ATP10A: variants seen among roughly 807,000 people sequenced by gnomAD.
ATP10A encodes the protein ATPase phospholipid transporting 10A (putative).
Under a neutral mutation model 147.8 loss-of-function variants are expected in ATP10A, and 111 were observed. The ratio of observed to expected loss-of-function variants is 0.75; its 90% CI spans 0.64 to 0.88. The LOEUF (loss-of-function observed/expected upper bound fraction) is 0.88, where lower values mean the gene tolerates loss of function less well. Ranked by LOEUF, ATP10A falls within the 40% of genes least tolerant of loss-of-function variation. ATP10A has a pLI of 0.00. For synonymous variants in ATP10A, 875 were observed against 841.6 expected (o/e 1.04, Z -0.69); for missense variants, 1,927 against 1,959.0 (o/e 0.98, Z 0.31).
chr15:25,687,663 C>G, intron 16 of ATP10A, 40 bp downstream of exon 16: 2 of 1,545,436 alleles, frequency 1.3e-6, no homozygotes, highest in Non-Finnish European at 1.7e-6. Flanking sequence ...AGAACCGAAC[C>G]TTCCAATCCC....
chr15:25,797,648 G>C (rs1890740634), intron 1 of ATP10A, among the ~76,000 whole-genome samples: 1 of 152,128 alleles, frequency 6.6e-6, no homozygotes, highest in South Asian at 2.1e-4. Context: ...CCTCCTCGGG[G>C]GACAGCCATC....
intron 1 of ATP10A, chr15:25,861,911 C>T: frequency 4.4e-6 from 1 of 225,382 alleles, no homozygotes; most frequent in Non-Finnish European, 9.0e-6. Flanking sequence ...GACAGGTCCG[C>T]CGGAGACTCT....
chr15:25,830,562 A>G (rs1425725625), intron 1 of ATP10A, among the ~76,000 whole-genome samples: 1 of 152,064 alleles, frequency 6.6e-6, no homozygotes, highest in Non-Finnish European at 1.5e-5. Context: ...TCTCAGGAGG[A>G]GACCCAGACC....
rs554450062 is a variant in ATP10A at position 25,699,479 on chromosome 15, G to A, written c.2760+2437C>T. 3.3e-5 allele frequency among the ~76,000 whole-genome samples: 5 copies of A among 152,210 alleles called. No homozygotes were observed. The East Asian group carries it at 5.8e-4, about 18-fold the overall frequency. On this transcript the variant is annotated intron_variant, in intron 13 of 20. Transcript: ENST00000555815. ...CTGTATCTATAGATAAGATGTTAAC[G>A]TGTAATGCTTTTAGAATAAAACACA...
rs113295731 is a variant in ATP10A at position 25,790,029 on chromosome 15, T to C, written c.450-8806A>G. ...CAGAACCAATGTATTTTTAAAATCA[T>C]GAAGGTGAGAACTCAGCACTGAAAC... On this transcript the variant is annotated intron_variant, in intron 1 of 20. Transcript: ENST00000555815. 7.6e-3 allele frequency among the ~76,000 whole-genome samples: 1,162 copies of C among 152,296 alleles called. 18 individuals carry two copies. Among genetic ancestry groups the C allele is most frequent in the East Asian group, 0.03 (153 of 5,170 alleles).
rs752694525 is a variant in ATP10A at position 25,718,205 on chromosome 15, G to T, written c.1558C>A (p.His520Asn). 1.2e-6 allele frequency: 2 copies of T among 1,612,950 alleles called. No individual in the cohort carries two copies. The highest frequency in any genetic ancestry group is 2.7e-5 in the African/African-American group (2 of 74,956). The change falls in exon 8 of 21, where the codon CAC becomes AAC. Residue 520 changes from histidine to asparagine, a missense_variant. Physicochemically the swap from His to Asn is moderately conservative, Grantham distance 68. Transcript: ENST00000555815. Reference sequence around the variant, plus strand: ...ACCATGGGGCTGCTGAAGGCCGTGTGCTTGGACAGCATGCTGGCCCTCTTG... The same window carrying T: ...ACCATGGGGCTGCTGAAGGCCGTGTTCTTGGACAGCATGCTGGCCCTCTTG... ...EAKRASMLSK[H>N]TAFSSPMEKD... is the part of the protein sequence containing the mutation.
intron 13 of ATP10A, among the ~76,000 whole-genome samples, chr15:25,697,590 A>C (rs1900410531): frequency 6.6e-6 from 1 of 152,240 alleles, no homozygotes; most frequent in Admixed American, 6.5e-5. Flanking sequence ...TTGGCCAAAA[A>C]GAAGGAAGAT....
chr15:25,733,211 C>T (rs1237666977), intron 3 of ATP10A, among the ~76,000 whole-genome samples: 1 of 152,106 alleles, frequency 6.6e-6, no homozygotes, highest in Non-Finnish European at 1.5e-5. Context: ...GCAAGGAGGC[C>T]AGTGGGAGGA....
At position 25,838,196 on chromosome 15, in the gene ATP10A, C is replaced by T. The variant is rs867011613; in HGVS notation, c.449+24452G>A. Among the ~76,000 whole-genome samples, 136 of 152,316 alleles carry T rather than the reference C, an allele frequency of 8.9e-4. 1 individual carries two copies. The highest frequency in any genetic ancestry group is 2.9e-3 in the African/African-American group (122 of 41,562). On this transcript the variant is annotated intron_variant, in intron 1 of 20. Transcript: ENST00000555815. Reference sequence around the variant, plus strand: ...TTTGAACATAACAGAAACTGTGATGCTTTGATGTTTCAATCAAATGTGAAG... The same window carrying T: ...TTTGAACATAACAGAAACTGTGATGTTTTGATGTTTCAATCAAATGTGAAG...
downstream of ATP10A, among the ~76,000 whole-genome samples, chr15:25,673,246 C>T (rs954745574): frequency 3.3e-5 from 5 of 152,160 alleles, no homozygotes; most frequent in Admixed American, 2.0e-4. Flanking sequence ...CTGCTGGACT[C>T]CCCCTATGCG....
At chr15:25,829,139 CA>C (rs1357306276) in intron 1 of ATP10A, among the ~76,000 whole-genome samples, 59 of 152,236 alleles carry the variant, frequency 3.9e-4, no homozygotes, top group African/African-American at 1.3e-3. Flanking sequence ...GGTAATAACA[CA>C]AGTGTATTAA....
intron 15 of ATP10A, among the ~76,000 whole-genome samples, chr15:25,689,001 G>C (rs115557519): frequency 6.6e-6 from 1 of 152,318 alleles, no homozygotes; most frequent in African/African-American, 2.4e-5. Flanking sequence ...GTCCTCCACA[G>C]AATCAGTCTG....
Position 25,701,284 on chromosome 15 carries a change from G to C in ATP10A, c.2760+632C>G, listed in dbSNP as rs148580552. Among the ~76,000 whole-genome samples, 119 of 152,340 alleles carry C rather than the reference G, an allele frequency of 7.8e-4. 2 individuals carry two copies. The East Asian group carries it at 0.022, about 29-fold the overall frequency. On this transcript the variant is annotated intron_variant, in intron 13 of 20. Transcript: ENST00000555815. ...GCGACAAAGTCCCAAGGTCCTGATA[G>C]CTGATGGTGCAGGTGTGGACCTAAG...
Position 25,727,075 on chromosome 15 carries a change from GA to G in ATP10A, c.847+84del, listed in dbSNP as rs1902622421. On this transcript the variant is annotated intron_variant, in intron 4 of 20. Coordinates refer to ENST00000555815, the MANE Select transcript of ATP10A (RefSeq NM_024490.4). ...CGTCTCAAAAAAAAAAAATGAAAAA[GA>G]AAAAAGAAAAGAAAACAGTGAGGGG... 6.9e-5 allele frequency: 69 copies of G among 1,007,070 alleles called. 1 individual carries two copies. In the South Asian group the frequency reaches 9.8e-4, roughly 14 times the overall value. The allele number at this position is 1,007,070 out of a possible 1,614,324, so 62.4% of individuals were successfully genotyped here. A position where few individuals can be genotyped will look rare whatever the true frequency, so the allele number is the denominator to read the frequency against.
intron 1 of ATP10A, among the ~76,000 whole-genome samples, chr15:25,849,460 C>T (rs1212693099): frequency 1.3e-5 from 2 of 152,190 alleles, no homozygotes; most frequent in African/African-American, 2.4e-5. Context: ...TAGTTGGGAA[C>T]AGAGCCAAGA....
intron 2 of ATP10A, among the ~76,000 whole-genome samples, chr15:25,778,349 G>C (rs1889729196): frequency 6.6e-6 from 1 of 152,116 alleles, no homozygotes; most frequent in Non-Finnish European, 1.5e-5. Flanking sequence ...AATGTTCTTG[G>C]CATTTGTGGT....
chr15:25,859,336 G>A (rs1418015451), intron 1 of ATP10A, among the ~76,000 whole-genome samples: 6 of 152,172 alleles, frequency 3.9e-5, no homozygotes, highest in East Asian at 1.9e-4. Context: ...AATGAAAGCC[G>A]GAGGCCACAT....
At chr15:25,793,681 T>C (rs770759353) in intron 1 of ATP10A, among the ~76,000 whole-genome samples, 2 of 152,244 alleles carry the variant, frequency 1.3e-5, no homozygotes, top group African/African-American at 2.4e-5. Flanking sequence ...TCTAAAGTGA[T>C]GGCAGATCCC....
downstream of ATP10A, chr15:25,677,833 C>T (rs1567291856): frequency 6.6e-6 from 1 of 152,306 alleles, no homozygotes; most frequent in African/African-American, 2.4e-5. Context: ...CTGGGAGTCC[C>T]AGTCAGCACG....
Sources: allele counts gnomAD v4.1 joint callset (sites outside exome capture counted in the v4.1 genomes callset), GRCh38; gene constraint gnomAD v4.1.1; transcripts MANE v1.5; gene names NCBI Gene and HGNC (gene_info 2026-07-23, HGNC 2026-07-21).